The following MAN2B2 variants were observed in gnomAD, a reference collection of about 807,000 sequenced individuals.
The protein encoded by MAN2B2 is mannosidase alpha class 2B member 2.
MAN2B2 carries 106 observed loss-of-function variants against 117.1 expected under a neutral mutation model. That is an observed-to-expected ratio of 0.90 (90% CI 0.77 to 1.06). The LOEUF (loss-of-function observed/expected upper bound fraction) is 1.06, where lower values mean the gene tolerates loss of function less well. Ranked by LOEUF, MAN2B2 falls within the 50% of genes least tolerant of loss-of-function variation. MAN2B2 has a pLI of 0.00. For synonymous variants in MAN2B2, 544 were observed against 595.1 expected, an observed-to-expected ratio of 0.91 and a Z score of 1.25; for missense variants, 1,326 against 1,381.4, an observed-to-expected ratio of 0.96 and a Z score of 0.64.
At chr4:6,594,352 A>T (rs527462278) in intron 6 of MAN2B2, among the ~76,000 whole-genome samples, 182 bp from the exon 7 acceptor site, 17 of 152,280 alleles carry the variant, frequency 1.1e-4, no homozygotes, top group Non-Finnish European at 2.4e-4. Context: ...GAATCACTTG[A>T]ACCCGGGAGG....
intron 16 of MAN2B2, among the ~76,000 whole-genome samples, chr4:6,614,998 C>T (rs1711792033): frequency 6.6e-6 from 1 of 152,224 alleles, no homozygotes. Flanking sequence ...CCCAGCTGCA[C>T]CTCCTCTGCC....
chr4:6,614,028 A>G (rs530417560), intron 15 of MAN2B2, among the ~76,000 whole-genome samples, 190 bp from the exon 16 acceptor site: 1 of 152,268 alleles, frequency 6.6e-6, no homozygotes, highest in African/African-American at 2.4e-5. Flanking sequence ...TGGTCTGAGC[A>G]AAGGCAGGGA....
At chr4:6,589,264 G>T in intron 5 of MAN2B2, 104 bp downstream of exon 5, 1 of 875,142 alleles carries the variant, frequency 1.1e-6, no homozygotes, top group South Asian at 1.6e-5. Flanking sequence ...TTTAAGACAA[G>T]AGCTTCTGCT....
intron 3 of MAN2B2, among the ~76,000 whole-genome samples, chr4:6,586,052 G>GTTTTTTTTTTT (rs1560639815): frequency 1.0e-4 from 15 of 149,164 alleles, no homozygotes; most frequent in African/African-American, 3.7e-4. Context: ...CTTTTCTTGT[G>GTTTTTTTTTTT]GTTTTTTTTT....
intron 18 of MAN2B2, 34 bp downstream of exon 18, chr4:6,620,078 G>A: frequency 6.4e-7 from 1 of 1,558,818 alleles, no homozygotes; most frequent in Non-Finnish European, 8.7e-7. Context: ...CCCTACCCAG[G>A]ACTCCCAGCC....
At chr4:6,578,273 G>A in intron 2 of MAN2B2, 120 bp from the exon 3 acceptor site, 1 of 700,772 alleles carries the variant, frequency 1.4e-6, no homozygotes, top group African/African-American at 1.8e-5. Context: ...CTTTTATAGA[G>A]TAAGCAAGGG....
intron 7 of MAN2B2, among the ~76,000 whole-genome samples, chr4:6,596,679 C>T (rs1390113256): frequency 1.3e-5 from 2 of 152,174 alleles, no homozygotes; most frequent in Non-Finnish European, 2.9e-5. Context: ...TCCCCATGCC[C>T]ACGTCACACA....
In MAN2B2 at chr4:6,613,415, C is replaced by T. The variant is rs72616121; in HGVS notation, c.2564-803C>T. Among the ~76,000 whole-genome samples, 198 of 152,032 alleles carry T rather than the reference C, an allele frequency of 1.3e-3. 5 individuals are homozygous for T. In the East Asian group the frequency reaches 0.034, roughly 26 times the overall value. ...ACTAGCCTGTGAGACCCTGTCTCTA[C>T]AAAAAAATTTTTAAAAATTGGCCAG... is the stretch of plus-strand genomic sequence containing the variant. On this transcript the variant is annotated intron_variant, in intron 15 of 18. Transcript: ENST00000285599.
At chr4:6,586,651 G>A (rs1726643693) in intron 3 of MAN2B2, among the ~76,000 whole-genome samples, 1 of 152,124 alleles carries the variant, frequency 6.6e-6, no homozygotes, top group Non-Finnish European at 1.5e-5. Flanking sequence ...CTGGGGGAGG[G>A]GCATAGGGAG....
rs61729241 is a variant in MAN2B2, at chr4:6,614,329, C to G, written c.2675C>G (p.Thr892Arg). 6.8e-6 allele frequency: 11 copies of G among 1,613,930 alleles called. No individual in the cohort carries two copies. Among genetic ancestry groups the G allele is most frequent in the East Asian group, 2.2e-5 (1 of 44,894 alleles). The change falls in exon 16 of 19, where the codon ACG becomes AGG. Residue 892 changes from threonine (T) to arginine (R), a missense_variant. Coordinates refer to ENST00000285599, the MANE Select transcript of MAN2B2 (RefSeq NM_015274.3). ...IPGWRYSSNH[T>R]EHSQNLRKGH... The stretch of plus-strand genomic sequence containing the variant: ...GGCTGGCGCTACAGCTCCAACCACA[C>G]GGAGCACTCTCAGAATCTCCGGAAA...
intron 4 of MAN2B2, among the ~76,000 whole-genome samples, chr4:6,587,750 GTTT>G (rs201846526): frequency 8.8e-6 from 1 of 113,480 alleles, no homozygotes; most frequent in African/African-American, 3.8e-5. Context: ...TTGGGTTGTT[GTTT>G]TTTTTTTTTT....
chr4:6,609,690 C>T lies in MAN2B2; in HGVS notation c.2007-108C>T, dbSNP rs1372965600. 24 of 1,320,840 alleles carry T rather than the reference C, an allele frequency of 1.8e-5. No individual in the cohort carries two copies. In the East Asian group the frequency reaches 2.8e-4, roughly 15 times the overall value. The allele number at this position is 1,320,840 out of a possible 1,614,324, so 81.8% of individuals were successfully genotyped here. ...TGGCCCAAGAAGGCTCCCTGCCTTT[C>T]GGCGTACCCTGCCCTGCCCACCCTG... is the stretch of plus-strand genomic sequence containing the variant. On this transcript the variant is annotated intron_variant, in intron 12 of 18. Transcript: ENST00000285599.
intron 6 of MAN2B2, among the ~76,000 whole-genome samples, chr4:6,593,966 A>G (rs1319320150): frequency 6.6e-6 from 1 of 152,184 alleles, no homozygotes. Flanking sequence ...ATTTGTGTTC[A>G]GACCCAGTCA....
Position 6,611,228 on chromosome 4 carries a change from G to T in MAN2B2, c.2513G>T (p.Ser838Ile). 1 of 1,613,588 alleles carries T rather than the reference G, an allele frequency of 6.2e-7. No homozygotes were observed. The highest frequency in any genetic ancestry group is 8.5e-7 in the Non-Finnish European group (1 of 1,179,934). The change falls in exon 15 of 19, where the codon AGC (serine) becomes ATC (isoleucine). Residue 838 changes from serine (S) to isoleucine (I), a missense_variant. Ser to Ile is a moderately radical substitution (Grantham distance 142, BLOSUM62 -2). Coordinates refer to ENST00000285599, the MANE Select transcript of MAN2B2 (RefSeq NM_015274.3). ...WSLTTALRQR[S>I]ALALQHRPVV... The stretch of plus-strand genomic sequence containing the variant: ...CTCACCACTGCCCTGCGCCAGAGGA[G>T]CGCACTGGCGCTGCAGCACAGGCCC...
chr4:6,609,379 C>A, intron 12 of MAN2B2, 81 bp downstream of exon 12: 2 of 1,405,512 alleles, frequency 1.4e-6, no homozygotes, highest in South Asian at 1.3e-5. Flanking sequence ...GAGGGTCTGT[C>A]TTTGCTCTGA....
chr4:6,598,470 G>C, intron 9 of MAN2B2, 116 bp downstream of exon 9: 1 of 1,146,778 alleles, frequency 8.7e-7, no homozygotes, highest in Non-Finnish European at 1.2e-6. Flanking sequence ...CACCCATATC[G>C]CCCTTCCCCA....
chr4:6,602,670 CTT>C (rs71646652), intron 10 of MAN2B2, among the ~76,000 whole-genome samples: 57 of 138,284 alleles, frequency 4.1e-4, no homozygotes, highest in Admixed American at 6.6e-4. Context: ...GTCAGTTTTC[CTT>C]TTTTTTTTTT....
intron 4 of MAN2B2, among the ~76,000 whole-genome samples, chr4:6,588,333 T>G (rs917585700): frequency 6.6e-6 from 1 of 152,174 alleles, no homozygotes; most frequent in African/African-American, 2.4e-5. Context: ...TGGGTGCATG[T>G]TTGTGTCTCA....
At chr4:6,620,238 C>T (rs1034711342) in intron 18 of MAN2B2, 194 bp downstream of exon 18, 10 of 546,526 alleles carry the variant, frequency 1.8e-5, no homozygotes, top group African/African-American at 7.6e-5. Flanking sequence ...TAGTCTCTGC[C>T]TGCCAGGGCT....
Sources: allele counts gnomAD v4.1 joint callset (sites outside exome capture counted in the v4.1 genomes callset), GRCh38; gene constraint gnomAD v4.1.1; transcripts MANE v1.5; gene names NCBI Gene and HGNC (gene_info 2026-07-23, HGNC 2026-07-21).